The following OR2C1 variants were observed in gnomAD, a reference collection of about 807,000 sequenced individuals.
The protein encoded by OR2C1 is olfactory receptor family 2 subfamily C member 1.
For synonymous variants in OR2C1, 209 were observed against 167.3 expected (o/e 1.25, Z -1.92); for missense variants, 468 against 388.3 (o/e 1.21, Z -1.73).
chr16:3,350,843 C>G, the OR2C1 span, among the ~76,000 whole-genome samples: 1 of 151,402 alleles, frequency 6.6e-6, no homozygotes, highest in South Asian at 2.1e-4. Context: ...CAACTCTGTT[C>G]TGGGAACAGA....
the OR2C1 span, among the ~76,000 whole-genome samples, chr16:3,339,896 A>G: frequency 1.3e-5 from 2 of 152,150 alleles, no homozygotes; most frequent in East Asian, 1.9e-4. Context: ...CATTTCCCCA[A>G]TGACTAATGA....
At chr16:3,325,021 A>G in the OR2C1 span, among the ~76,000 whole-genome samples, 3 of 152,108 alleles carry the variant, frequency 2.0e-5, no homozygotes, top group Non-Finnish European at 4.4e-5. Context: ...TCACTCTGTC[A>G]CCCAGACTGG....
At chr16:3,331,709 A>C in the OR2C1 span, among the ~76,000 whole-genome samples, 2 of 152,130 alleles carry the variant, frequency 1.3e-5, no homozygotes, top group Non-Finnish European at 2.9e-5. Context: ...GATTTGACCC[A>C]GCCATCCCAT....
the OR2C1 span, among the ~76,000 whole-genome samples, chr16:3,340,721 G>T: frequency 1.3e-5 from 2 of 152,098 alleles, no homozygotes; most frequent in African/African-American, 4.8e-5. Flanking sequence ...CACTGACATT[G>T]TCACCCTTAT....
At chr16:3,344,941 ATG>A in the OR2C1 span, among the ~76,000 whole-genome samples, 1 of 149,684 alleles carries the variant, frequency 6.7e-6, no homozygotes, top group Admixed American at 6.7e-5. Flanking sequence ...ACATATATGT[ATG>A]TGTGTATATA....
upstream of OR2C1, chr16:3,355,818 G>A (rs1289786187): frequency 6.6e-5 from 45 of 682,048 alleles, no homozygotes; most frequent in East Asian, 9.7e-4. Flanking sequence ...ACTTAACTAT[G>A]GATCCCAGAG....
At chr16:3,337,984 C>T in the OR2C1 span, among the ~76,000 whole-genome samples, 3 of 152,288 alleles carry the variant, frequency 2.0e-5, no homozygotes, top group Admixed American at 6.5e-5. Context: ...TAGGTCACTG[C>T]GTCCTTTTTG....
At chr16:3,338,637 A>C in the OR2C1 span, among the ~76,000 whole-genome samples, 1 of 142,098 alleles carries the variant, frequency 7.0e-6, no homozygotes, top group Non-Finnish European at 1.5e-5. Flanking sequence ...TTGCGGGTTC[A>C]CGCCATTCCC....
chr16:3,332,388 A>G, the OR2C1 span, among the ~76,000 whole-genome samples: 1 of 151,978 alleles, frequency 6.6e-6, no homozygotes, highest in South Asian at 2.1e-4. Context: ...TCTTCTAGCT[A>G]TTTTGAAAAG....
chr16:3,332,245 T>G, the OR2C1 span, among the ~76,000 whole-genome samples: 1 of 151,612 alleles, frequency 6.6e-6, no homozygotes, highest in Non-Finnish European at 1.5e-5. Flanking sequence ...ATTAAAAAAA[T>G]AAATAAATAA....
At chr16:3,353,824 A>G (rs1002088976), upstream of OR2C1, among the ~76,000 whole-genome samples, 2 of 151,904 alleles carry the variant, frequency 1.3e-5, no homozygotes, top group Non-Finnish European at 2.9e-5. Context: ...GAAGGAAGGA[A>G]GGAAGGAAGG....
the OR2C1 span, among the ~76,000 whole-genome samples, chr16:3,329,885 G>A: frequency 6.7e-6 from 1 of 149,812 alleles, no homozygotes; most frequent in Non-Finnish European, 1.5e-5. Flanking sequence ...CTCCTGAGTA[G>A]CTGGGATTAC....
At chr16:3,333,209 CCATTTTTTTTT>C in the OR2C1 span, among the ~76,000 whole-genome samples, 10 of 19,868 alleles carry the variant, frequency 5.0e-4, no homozygotes, top group African/African-American at 1.9e-3. Flanking sequence ...GATCTTTTGC[CCATTTTTTTTT>C]TTTTTTTTTT....
At chr16:3,346,278 G>A in the OR2C1 span, among the ~76,000 whole-genome samples, 8 of 152,106 alleles carry the variant, frequency 5.3e-5, no homozygotes, top group Non-Finnish European at 7.4e-5. Context: ...ACTAAGACAT[G>A]ACTAGGAATG....
chr16:3,328,979 G>T, the OR2C1 span, among the ~76,000 whole-genome samples: 1 of 116,184 alleles, frequency 8.6e-6, no homozygotes, highest in African/African-American at 3.3e-5. Flanking sequence ...CAGTTGGGTG[G>T]ACTAGGAAAA....
At chr16:3,327,523 T>C in the OR2C1 span, among the ~76,000 whole-genome samples, 1 of 151,788 alleles carries the variant, frequency 6.6e-6, no homozygotes, top group Non-Finnish European at 1.5e-5. Flanking sequence ...AAGAAGACCC[T>C]CTTGACCTCC....
At chr16:3,325,658 T>C in the OR2C1 span, among the ~76,000 whole-genome samples, 1 of 151,368 alleles carries the variant, frequency 6.6e-6, no homozygotes, top group Admixed American at 6.6e-5. Context: ...CACAATAAGG[T>C]ATGCCTGTAT....
the OR2C1 span, among the ~76,000 whole-genome samples, chr16:3,344,369 T>C: frequency 6.6e-6 from 1 of 152,176 alleles, no homozygotes; most frequent in African/African-American, 2.4e-5. Context: ...CCAACCTCAT[T>C]AGTAATCAGA....
upstream of OR2C1, among the ~76,000 whole-genome samples, chr16:3,355,457 C>CAAA (rs56022625): frequency 0.037 from 1,680 of 45,490 alleles, 157 homozygotes; most frequent in African/African-American, 0.11. Context: ...GACTCTGTCT[C>CAAA]AAAAAAAAAA....
Sources: gnomAD v4.1 joint callset for allele counts (sites outside exome capture counted in the v4.1 genomes callset) on GRCh38, gnomAD v4.1.1 for gene constraint, MANE v1.5 for transcripts, NCBI Gene and HGNC (gene_info 2026-07-23, HGNC 2026-07-21) for gene names.